Variants in KCNH3 observed in about 807,000 individuals in gnomAD.
KCNH3 encodes potassium voltage-gated channel subfamily H member 3, also known as voltage-gated inwardly rectifying potassium channel KCNH3.
A neutral mutation model predicts 95.6 loss-of-function variants in KCNH3; 36 were observed. The observed-to-expected ratio is 0.38, with a 90% CI of 0.29 to 0.50. The LOEUF (loss-of-function observed/expected upper bound fraction) is 0.50. KCNH3 is among the 20% of genes least tolerant of loss of function. The probability of loss-of-function intolerance (pLI) is 0.95; values close to 1 mark genes in which losing one functional copy is unlikely to be tolerated. For synonymous variants in KCNH3, 620 were observed against 646.3 expected (o/e 0.96, Z 0.62); for missense variants, 1,030 against 1,484.1 (o/e 0.69, Z 5.03).
At chr12:49,549,945 T>C in intron 9 of KCNH3, 135 bp from the exon 10 acceptor site, 1 of 942,850 alleles carries the variant, frequency 1.1e-6, no homozygotes, top group Non-Finnish European at 1.5e-6. Flanking sequence ...GAGCTTGGAG[T>C]TGTGAGAGAG....
At position 49,555,745 on chromosome 12, in the gene KCNH3, G is replaced by A. The variant is rs745842408; in HGVS notation, c.2262G>A (p.Leu754=). 6 of 1,613,316 alleles carry A rather than the reference G, an allele frequency of 3.7e-6. No homozygotes were observed. The highest frequency in any genetic ancestry group is 2.7e-5 in the African/African-American group (2 of 74,906). ...APADEPSSPL[L]SPGCTSSSSA... is the part of the protein sequence containing the mutation. ...CTGATGAGCCCTCCAGCCCCCTGCT[G>A]TCCCCTGGCTGCACCTCCTCATCCT... The change falls in exon 12 of 15, where the codon CTG becomes CTA. Residue 754 remains leucine, a synonymous_variant. Transcript: ENST00000257981.
At position 49,539,906 on chromosome 12, in the gene KCNH3, A is replaced by G. The variant is rs188087625; in HGVS notation, c.76+414A>G. Among the ~76,000 whole-genome samples the G allele has an allele frequency of 1.4e-3, 213 of 152,240 alleles. 1 individual carries two copies. Among genetic ancestry groups the G allele is most frequent in the African/African-American group, 4.7e-3 (196 of 41,536 alleles). On this transcript the variant is annotated intron_variant, in intron 1 of 14. Transcript: ENST00000257981. The surrounding 1 kb of genome is among the most constrained non-coding windows in gnomAD (Gnocchi z 6.7). ...GAGGGCTCAAAACACAGATTTAGAA[A>G]AGAGATTTGCAAACGGAGATAAGAG...
At chr12:49,554,659 G>C (rs1938371243) in intron 11 of KCNH3, 105 bp downstream of exon 11, 11 of 999,900 alleles carry the variant, frequency 1.1e-5, no homozygotes, top group Non-Finnish European at 1.6e-5. Context: ...AGTGTGGCCT[G>C]GTATGAAAGC....
intron 7 of KCNH3, among the ~76,000 whole-genome samples, chr12:49,547,533 C>T (rs942029243): frequency 1.3e-5 from 2 of 152,250 alleles, no homozygotes; most frequent in African/African-American, 4.8e-5. Flanking sequence ...TCCCTTCCTG[C>T]CGTGTGGCAC....
In KCNH3 at chr12:49,544,127, C is replaced by T. The variant is rs1027016765; in HGVS notation, c.982-48C>T. ...GGGCTTGGCCAGGGGACAGGCAGGG[C>T]CGGCCCGCTGACCTCCCTCCCTCCC... is the stretch of plus-strand genomic sequence containing the variant. On this transcript the variant is annotated intron_variant, in intron 6 of 14. Transcript: ENST00000257981. 2.5e-6 allele frequency: 4 copies of T among 1,603,422 alleles called. No homozygotes were observed. In the African/African-American group the frequency reaches 4.0e-5, roughly 16 times the overall value.
At chr12:49,556,538 G>A in intron 13 of KCNH3, 62 bp downstream of exon 13, 1 of 1,185,344 alleles carries the variant, frequency 8.4e-7, no homozygotes, top group Non-Finnish European at 1.3e-6. Flanking sequence ...TGAACCTCAA[G>A]CACTGTTGAC....
chr12:49,554,143 T>G (rs913177504), intron 10 of KCNH3, among the ~76,000 whole-genome samples, 194 bp from the exon 11 acceptor site: 3 of 152,226 alleles, frequency 2.0e-5, no homozygotes, highest in Non-Finnish European at 2.9e-5. Context: ...CAAGCCCATG[T>G]GGGAGCCAGT....
At chr12:49,543,664 T>TTCCAAAC in intron 5 of KCNH3, 146 bp downstream of exon 5, 1 of 1,203,404 alleles carries the variant, frequency 8.3e-7, no homozygotes, top group Non-Finnish European at 1.1e-6. Flanking sequence ...CAGACCTAGG[T>TTCCAAAC]TCCAAACATC....
chr12:49,554,541 G>A lies in KCNH3; in HGVS notation c.2123G>A (p.Gly708Glu). The change falls in exon 11 of 15, where the codon GGA becomes GAA. Residue 708 changes from glycine (G) to glutamate (E), a missense_variant. This residue lies in a region of KCNH3 where 464 missense variants were observed against 493.2 expected (regional missense o/e 0.94). Coordinates refer to ENST00000257981, the MANE Select transcript of KCNH3 (RefSeq NM_012284.3). ...GELSYNLGAG[G>E]GSAEVDTSSL... is the part of the protein sequence containing the mutation. ...CTCAGCTACAACCTGGGTGCTGGGGGAGGCTCTGCAGAGGTGAGTGTGCTG... is the reference window on the plus strand; with the variant it reads ...CTCAGCTACAACCTGGGTGCTGGGGAAGGCTCTGCAGAGGTGAGTGTGCTG... 6.2e-7 allele frequency: 1 copy of A among 1,612,904 alleles called. No individual in the cohort carries two copies. The highest frequency in any genetic ancestry group is 8.5e-7 in the Non-Finnish European group (1 of 1,179,468).
intron 7 of KCNH3, among the ~76,000 whole-genome samples, chr12:49,547,582 C>T (rs1938102539): frequency 6.6e-6 from 1 of 152,238 alleles, no homozygotes; most frequent in African/African-American, 2.4e-5. Flanking sequence ...ACCTGCCCTT[C>T]TGAACTGGAG....
In KCNH3 at chr12:49,540,996, TGAG is replaced by T; in HGVS notation, c.176_178del (p.Glu59del). The T allele has an allele frequency of 1.2e-6, 2 of 1,613,918 alleles. No homozygotes were observed. Among genetic ancestry groups the T allele is most frequent in the Non-Finnish European group, 1.7e-6 (2 of 1,179,794 alleles). ...GTGACCTCACGGGCTTCTCCCGGGC[TGAG>T]GTCATGCAGCGGGGCTGTGCCTGCT... is the stretch of plus-strand genomic sequence containing the variant. On this transcript the variant is annotated inframe_deletion, in exon 2 of 15. Coordinates refer to ENST00000257981, the MANE Select transcript of KCNH3 (RefSeq NM_012284.3).
intron 11 of KCNH3, 43 bp from the exon 12 acceptor site, chr12:49,555,577 T>C (rs1432638070): frequency 8.3e-6 from 11 of 1,330,320 alleles, no homozygotes; most frequent in African/African-American, 1.5e-5. Flanking sequence ...TGGGACACAA[T>C]AGTGACCATC....
chr12:49,549,547 C>T lies in KCNH3; in HGVS notation c.1575C>T (p.Ile525=), dbSNP rs755809623. 1.9e-6 allele frequency: 3 copies of T among 1,613,492 alleles called. No homozygotes were observed. The Admixed American group carries it at 5.0e-5, about 27-fold the overall frequency. Residue 525 remains isoleucine, a synonymous_variant, in exon 9 of 15, where the codon ATC becomes ATT. Coordinates refer to ENST00000257981, the MANE Select transcript of KCNH3 (RefSeq NM_012284.3). ...GCACGCGCGACCTGCGCGACTACAT[C>T]CGCATCCACCGTATCCCCAAGCCCC... ...HSRTRDLRDY[I]RIHRIPKPLK... is the part of the protein sequence containing the mutation.
chr12:49,546,011 C>T (rs1389566502), intron 7 of KCNH3: 1 of 152,158 alleles, frequency 6.6e-6, no homozygotes, highest in Non-Finnish European at 1.5e-5. Flanking sequence ...GAAACAAAGC[C>T]TGTCTCCACC....
At chr12:49,545,245 T>A (rs889689657) in intron 7 of KCNH3, among the ~76,000 whole-genome samples, 17 of 151,840 alleles carry the variant, frequency 1.1e-4, no homozygotes, top group African/African-American at 4.1e-4. Flanking sequence ...CATCTCAACT[T>A]CCACCCTTTC....
chr12:49,555,990 G>T (rs776268269), intron 12 of KCNH3, 39 bp downstream of exon 12: 16 of 1,011,672 alleles, frequency 1.6e-5, no homozygotes, highest in Middle Eastern at 2.3e-4. Context: ...AGATGGTGGT[G>T]ATGAGGCTGA....
Position 49,557,747 on chromosome 12 carries a change from G to C in KCNH3, c.3046G>C (p.Ala1016Pro), listed in dbSNP as rs1451260843. 2 of 1,613,274 alleles carry C rather than the reference G, an allele frequency of 1.2e-6. No individual in the cohort carries two copies. The change falls in exon 15 of 15, where the codon GCC becomes CCC. Residue 1016 changes from alanine (A) to proline (P), a missense_variant. Transcript: ENST00000257981. ...GDLCSEPSTP[A>P]SPPPSEEGAR... ...CCTCTGCTCTGAGCCCAGCACCCCT[G>C]CCTCCCCTCCTCCTTCTGAGGAAGG...
rs1352991597 is a variant in KCNH3 at position 49,558,236 on chromosome 12, G to C, written c.*283G>C. On this transcript the variant is annotated 3_prime_UTR_variant, in exon 15 of 15. Transcript: ENST00000257981. The stretch of plus-strand genomic sequence containing the variant: ...ACAAGGAAGAGCTTTGCCATCCCCT[G>C]CATGTGCCCCTGCCTCTACCTGTCC... 1.0e-5 allele frequency: 4 copies of C among 393,230 alleles called. No individual in the cohort carries two copies. The highest frequency in any genetic ancestry group is 2.1e-5 in the African/African-American group (1 of 48,176). 24.4% of individuals were successfully genotyped at this position (393,230 alleles called of 1,614,324 possible). A position where few individuals can be genotyped will look rare whatever the true frequency, so the allele number is the denominator to read the frequency against.
At position 49,557,609 on chromosome 12, in the gene KCNH3, C is replaced by T. The variant is rs1938520548; in HGVS notation, c.2908C>T (p.Pro970Ser). 6.2e-7 allele frequency: 1 copy of T among 1,613,382 alleles called. No individual in the cohort carries two copies. The highest frequency in any genetic ancestry group is 8.5e-7 in the Non-Finnish European group (1 of 1,179,958). ...GCCCCACCCTCGTCCGGGGCCTCCT[C>T]CCCTCATGGCACCCTGGCCCTGGGG... is the stretch of plus-strand genomic sequence containing the variant. ...TWPHPRPGPP[P>S]LMAPWPWGPP... Residue 970 changes from proline to serine, a missense_variant, in exon 15 of 15, where the codon CCC (proline) becomes TCC (serine). By Grantham distance (74) the Pro-to-Ser change is moderately conservative. This residue lies in a region of KCNH3 where 464 missense variants were observed against 493.2 expected (regional missense o/e 0.94). Transcript: ENST00000257981.
Sources: allele counts gnomAD v4.1 joint callset (sites outside exome capture counted in the v4.1 genomes callset), GRCh38; gene constraint gnomAD v4.1.1; regional missense constraint gnomAD v4.1.1; non-coding constraint Gnocchi (gnomAD v3.1); transcripts MANE v1.5; gene names NCBI Gene and HGNC (gene_info 2026-07-23, HGNC 2026-07-21).